The following FRZB variants were observed in gnomAD, a reference collection of about 807,000 sequenced individuals.
FRZB encodes the protein frizzled related protein.
Under a neutral mutation model 32.5 loss-of-function variants are expected in FRZB, and 34 were observed. That is an observed-to-expected ratio of 1.05 (90% CI 0.80 to 1.39). The LOEUF (loss-of-function observed/expected upper bound fraction) is 1.39. Among genes scored for constraint, FRZB ranks in the 40% most tolerant of loss-of-function variants. FRZB has a pLI of 0.00. For missense variants in FRZB, 423 were observed against 424.8 expected, an observed-to-expected ratio of 1.00 and a Z score of 0.04; for synonymous variants, 170 against 159.2, an observed-to-expected ratio of 1.07 and a Z score of -0.51.
At chr2:182,840,442 T>C (rs1451651036) in intron 3 of FRZB, among the ~76,000 whole-genome samples, 1 of 152,144 alleles carries the variant, frequency 6.6e-6, no homozygotes, top group South Asian at 2.1e-4. Context: ...AATAAATATC[T>C]TTCTACAAGA....
intron 1 of FRZB, among the ~76,000 whole-genome samples, chr2:182,864,454 G>T (rs539531537): frequency 6.6e-6 from 1 of 152,194 alleles, no homozygotes. Context: ...TGTGACTTTA[G>T]TGAGTACGAA....
Position 182,837,993 on chromosome 2 carries a change from GCC to G in FRZB, c.814_815del (p.Gly272LeufsTer4). On this transcript the variant is annotated frameshift_variant, in exon 5 of 6. Transcript: ENST00000295113. LOFTEE classifies it high-confidence loss of function. Reference sequence around the variant, plus strand: ...GATCCTTCCACTTCTCAGCTATAGAGCCTTCCACCAAGAGTAATCTGTATTTT... The same window carrying G: ...GATCCTTCCACTTCTCAGCTATAGAGTTCCACCAAGAGTAATCTGTATTTT... ...EERSRLLLVE[G>X]SIAEKWKDRL... 1 of 1,611,478 alleles carries G rather than the reference GCC, an allele frequency of 6.2e-7. No homozygotes were observed.
intron 2 of FRZB, among the ~76,000 whole-genome samples, chr2:182,858,437 T>C (rs1456370542): frequency 6.6e-6 from 1 of 152,126 alleles, no homozygotes; most frequent in Non-Finnish European, 1.5e-5. Flanking sequence ...AAAGAAAAGA[T>C]GAGTGATTGC....
At chr2:182,846,566 A>G (rs557031744) in intron 2 of FRZB, among the ~76,000 whole-genome samples, 1 of 152,274 alleles carries the variant, frequency 6.6e-6, no homozygotes, top group African/African-American at 2.4e-5. Context: ...ACCTTTTCTA[A>G]TCAGATCAGA....
At chr2:182,849,598 G>A (rs139575227) in intron 2 of FRZB, among the ~76,000 whole-genome samples, 2 of 152,236 alleles carry the variant, frequency 1.3e-5, no homozygotes, top group Admixed American at 6.5e-5. Context: ...GAACCTAGGC[G>A]ATATAACAAG....
intron 1 of FRZB, among the ~76,000 whole-genome samples, chr2:182,860,496 A>C (rs750101640): frequency 1.1e-4 from 16 of 152,122 alleles, no homozygotes; most frequent in Non-Finnish European, 2.1e-4. Flanking sequence ...GAGGGAGAGA[A>C]GGGAATTTGA....
rs1473145280 is a variant in FRZB at position 182,833,917 on chromosome 2, C to A, written c.*932G>T. ...TACAGCATTTTTATGGAGCCATGTA[C>A]TTTTAAAAACTAACCCTGGTGCACG... On this transcript the variant is annotated 3_prime_UTR_variant, in exon 6 of 6. Coordinates refer to ENST00000295113, the MANE Select transcript of FRZB (RefSeq NM_001463.4). 1 of 152,014 alleles carries A rather than the reference C, an allele frequency of 6.6e-6. No individual in the cohort carries two copies. The highest frequency in any genetic ancestry group is 6.6e-5 in the Admixed American group (1 of 15,248). 9.4% of individuals were successfully genotyped at this position (152,014 alleles called of 1,614,324 possible).
intron 1 of FRZB, among the ~76,000 whole-genome samples, chr2:182,860,379 A>G (rs965066406): frequency 6.6e-6 from 1 of 152,172 alleles, no homozygotes; most frequent in Non-Finnish European, 1.5e-5. Context: ...AAAAATGTCT[A>G]TTGGAATATG....
chr2:182,860,036 A>G (rs932498572), intron 1 of FRZB, among the ~76,000 whole-genome samples: 2 of 152,234 alleles, frequency 1.3e-5, no homozygotes, highest in African/African-American at 4.8e-5. Flanking sequence ...GGAAGAAATT[A>G]TATTGGCCCA....
intron 1 of FRZB, among the ~76,000 whole-genome samples, chr2:182,863,046 A>G (rs371793798): frequency 1.3e-5 from 2 of 152,350 alleles, no homozygotes; most frequent in East Asian, 3.9e-4. Context: ...CTGAGATTAC[A>G]GGAGTGAGCC....
chr2:182,865,991 T>C, intron 1 of FRZB, 84 bp downstream of exon 1: 1 of 1,055,716 alleles, frequency 9.5e-7, no homozygotes, highest in Non-Finnish European at 1.4e-6. Flanking sequence ...GAGAAAAAAA[T>C]TAGAGAGTAA....
Position 182,862,568 on chromosome 2 carries a change from T to A in FRZB, c.478+3507A>T, listed in dbSNP as rs1423730652. Among the ~76,000 whole-genome samples the A allele has an allele frequency of 2.0e-5, 3 of 152,222 alleles. No homozygotes were observed. In the East Asian group the frequency reaches 5.8e-4, roughly 29 times the overall value. On this transcript the variant is annotated intron_variant, in intron 1 of 5. Transcript: ENST00000295113. ...TAGGTCCCAGTGTAAAGCTTTTTTG[T>A]TTTGTTTTTCCCCAGAGATGAACTA...
chr2:182,858,387 T>C (rs1292266758), intron 2 of FRZB, among the ~76,000 whole-genome samples: 2 of 152,188 alleles, frequency 1.3e-5, no homozygotes, highest in African/African-American at 2.4e-5. Context: ...AGTCTGTCTA[T>C]ATGGACAATC....
chr2:182,835,433 A>AT (rs1695513386), intron 5 of FRZB, among the ~76,000 whole-genome samples: 1 of 150,954 alleles, frequency 6.6e-6, no homozygotes, highest in African/African-American at 2.5e-5. Context: ...AAAAATGGAA[A>AT]TTTTTTTGAG....
At chr2:182,836,451 T>C (rs145041081) in intron 5 of FRZB, among the ~76,000 whole-genome samples, 176 of 152,214 alleles carry the variant, frequency 1.2e-3, no homozygotes, top group African/African-American at 3.9e-3. Flanking sequence ...CTTTAGAATA[T>C]TTAAATCCAG....
intron 5 of FRZB, among the ~76,000 whole-genome samples, chr2:182,835,523 G>T (rs556044617): frequency 6.6e-6 from 1 of 151,820 alleles, no homozygotes; most frequent in Non-Finnish European, 1.5e-5. Flanking sequence ...TCCTGCCCTC[G>T]TTCTAAGTGT....
chr2:182,856,640 C>A (rs1166054780), intron 2 of FRZB, among the ~76,000 whole-genome samples: 1 of 151,874 alleles, frequency 6.6e-6, no homozygotes, highest in Non-Finnish European at 1.5e-5. Flanking sequence ...TTTTGCCCTG[C>A]AAACACTAAT....
intron 5 of FRZB, 79 bp downstream of exon 5, chr2:182,837,869 C>T: frequency 1.8e-6 from 2 of 1,081,726 alleles, no homozygotes; most frequent in Admixed American, 1.9e-5. Context: ...GCAGCTATTT[C>T]ATTTCAATGA....
chr2:182,846,220 G>T (rs1297017350), intron 2 of FRZB, among the ~76,000 whole-genome samples: 1 of 152,108 alleles, frequency 6.6e-6, no homozygotes, highest in African/African-American at 2.4e-5. Context: ...ACACTCACTG[G>T]ACTGTCACTA....
Sources: allele counts gnomAD v4.1 joint callset (sites outside exome capture counted in the v4.1 genomes callset), GRCh38; gene constraint gnomAD v4.1.1; transcripts MANE v1.5; gene names NCBI Gene and HGNC (gene_info 2026-07-23, HGNC 2026-07-21).